Variants in BICD1 observed in about 807,000 individuals in gnomAD.
BICD1 encodes BICD cargo adaptor 1, also known as protein bicaudal D homolog 1.
In BICD1, 35 loss-of-function variants were observed where a neutral mutation model predicts 92.5. The ratio of observed to expected loss-of-function variants is 0.38; its 90% confidence interval spans 0.29 to 0.50. The LOEUF is 0.50. Ranked by LOEUF, BICD1 falls within the 20% of genes least tolerant of loss-of-function variation. BICD1 has a pLI of 0.93. For synonymous variants in BICD1, 429 were observed against 465.1 expected, an observed-to-expected ratio of 0.92 and a Z score of 1.00; for missense variants, 950 against 1,189.8, an observed-to-expected ratio of 0.80 and a Z score of 2.97.
At chr12:32,168,007 CGT>C (rs10568100) in intron 1 of BICD1, among the ~76,000 whole-genome samples, 51,945 of 149,702 alleles carry the variant, frequency 0.35, 9,094 homozygotes, top group South Asian at 0.48. Flanking sequence ...AAGGAGATGG[CGT>C]GTGTGTGTGT....
At chr12:32,299,168 G>A (rs1008818598) in intron 3 of BICD1, among the ~76,000 whole-genome samples, 5 of 152,180 alleles carry the variant, frequency 3.3e-5, no homozygotes, top group African/African-American at 7.2e-5. Flanking sequence ...AACCTTGACC[G>A]TCATGTAGTT....
chr12:32,236,137 G>A (rs1466742515), intron 2 of BICD1, among the ~76,000 whole-genome samples: 2 of 151,270 alleles, frequency 1.3e-5, no homozygotes, highest in African/African-American at 4.8e-5. Flanking sequence ...GTTCACGCCT[G>A]TAATCCCAGC....
intron 1 of BICD1, among the ~76,000 whole-genome samples, chr12:32,117,284 A>AT (rs1941949590): frequency 6.6e-6 from 1 of 152,142 alleles, no homozygotes; most frequent in African/African-American, 2.4e-5. Context: ...GATTTCTTTG[A>AT]TTTTTATCAT....
chr12:32,120,086 C>T (rs1942087967), intron 1 of BICD1, among the ~76,000 whole-genome samples: 1 of 152,068 alleles, frequency 6.6e-6, no homozygotes, highest in South Asian at 2.1e-4. Flanking sequence ...TTTAAAGTGT[C>T]TTTTAAAAGT....
intron 2 of BICD1, among the ~76,000 whole-genome samples, chr12:32,246,469 C>A (rs1946392300): frequency 6.6e-6 from 1 of 152,000 alleles, no homozygotes; most frequent in African/African-American, 2.4e-5. Context: ...AGGACTCCAT[C>A]TCTATAAAAA....
intron 8 of BICD1, among the ~76,000 whole-genome samples, chr12:32,358,773 C>T (rs76561857): frequency 0.037 from 5,661 of 152,176 alleles, 319 homozygotes; most frequent in East Asian, 0.28. Context: ...CTTGCATAAA[C>T]TTAGTTTCTC....
At chr12:32,306,668 G>A (rs1948235018) in intron 4 of BICD1, among the ~76,000 whole-genome samples, 1 of 152,092 alleles carries the variant, frequency 6.6e-6, no homozygotes, top group South Asian at 2.1e-4. Flanking sequence ...TTCAAGAAAT[G>A]AACTTCTGAG....
chr12:32,336,433 T>C (rs1354664114), intron 6 of BICD1, among the ~76,000 whole-genome samples: 1 of 152,234 alleles, frequency 6.6e-6, no homozygotes, highest in Non-Finnish European at 1.5e-5. Flanking sequence ...TCTTGGTTTT[T>C]GCAGGGTTTT....
chr12:32,123,352 A>G (rs1942221356), intron 1 of BICD1, among the ~76,000 whole-genome samples: 1 of 152,172 alleles, frequency 6.6e-6, no homozygotes, highest in Admixed American at 6.5e-5. Context: ...ACTTTCAGAG[A>G]GCTTTGAGCA....
chr12:32,244,062 G>T (rs1026814454), intron 2 of BICD1, among the ~76,000 whole-genome samples: 1 of 138,058 alleles, frequency 7.2e-6, no homozygotes, highest in African/African-American at 3.6e-5. Context: ...TTATAGGTAA[G>T]AAGACTCATT....
chr12:32,280,029 C>T (rs138099446), intron 2 of BICD1, among the ~76,000 whole-genome samples: 3,444 of 152,174 alleles, frequency 0.023, 50 homozygotes, highest in Middle Eastern at 0.044. Flanking sequence ...ACCTGGGAGG[C>T]GGAGGTTGCA....
At chr12:32,364,655 A>G (rs1939457673) in intron 8 of BICD1, among the ~76,000 whole-genome samples, 1 of 152,238 alleles carries the variant, frequency 6.6e-6, no homozygotes, top group Non-Finnish European at 1.5e-5. Context: ...ATGAAAAATA[A>G]TCATCATTAG....
chr12:32,120,474 C>A (rs185000503), intron 1 of BICD1, among the ~76,000 whole-genome samples: 65 of 152,276 alleles, frequency 4.3e-4, no homozygotes, highest in African/African-American at 1.5e-3. Context: ...CTTTGTTTTT[C>A]TCTTGCATAC....
chr12:32,117,497 T>A (rs60284547), intron 1 of BICD1, among the ~76,000 whole-genome samples: 6,722 of 152,012 alleles, frequency 0.044, 481 homozygotes, highest in African/African-American at 0.15. Flanking sequence ...AGAAGAAAAC[T>A]AATGGGTAAT....
chr12:32,300,953 A>C (rs1948028400), intron 3 of BICD1, among the ~76,000 whole-genome samples: 1 of 152,028 alleles, frequency 6.6e-6, no homozygotes. Context: ...GCCCGGCCCA[A>C]CTTTACAGTA....
In BICD1 at chr12:32,257,431, C is replaced by T. The variant is rs117410470; in HGVS notation, c.427-36563C>T. On this transcript the variant is annotated intron_variant, in intron 2 of 9. Coordinates refer to ENST00000652176, the MANE Select transcript of BICD1 (RefSeq NM_001714.4). ...TGTAAGAACTTATGTAGCATTTTAT[C>T]AAGCCTCCATATCTCTTTGGAGACT... Among the ~76,000 whole-genome samples the T allele has an allele frequency of 9.4e-3, 1,423 of 152,176 alleles. 13 individuals are homozygous for T. Among genetic ancestry groups the T allele is most frequent in the African/African-American group, 0.022 (927 of 41,514 alleles).
intron 2 of BICD1, among the ~76,000 whole-genome samples, chr12:32,246,497 A>G (rs113338799): frequency 0.041 from 6,166 of 151,808 alleles, 447 homozygotes; most frequent in African/African-American, 0.14. Context: ...AATTAGCCAG[A>G]CATGGTGCCG....
chr12:32,117,707 T>C (rs1337399552), intron 1 of BICD1, among the ~76,000 whole-genome samples: 9,833 of 60,824 alleles, frequency 0.16, 564 homozygotes, highest in East Asian at 0.3. Flanking sequence ...TACACAAATA[T>C]ATATACACAC....
intron 2 of BICD1, among the ~76,000 whole-genome samples, chr12:32,226,420 C>T (rs1249923920): frequency 6.6e-6 from 1 of 152,234 alleles, no homozygotes; most frequent in Non-Finnish European, 1.5e-5. Context: ...AGGCGTTAGC[C>T]ATCACACCTG....
Sources: allele counts gnomAD v4.1 joint callset (sites outside exome capture counted in the v4.1 genomes callset), GRCh38; gene constraint gnomAD v4.1.1; transcripts MANE v1.5; gene names NCBI Gene and HGNC (gene_info 2026-07-23, HGNC 2026-07-21).